Variants in SEMA3A observed in about 807,000 individuals in gnomAD.
SEMA3A encodes the protein semaphorin-3A.
SEMA3A carries 29 observed loss-of-function variants against 97.9 expected under a neutral mutation model. That is an observed-to-expected ratio of 0.30 (90% CI 0.22 to 0.40). The LOEUF is 0.40. Ranked by LOEUF, SEMA3A falls within the 10% of genes least tolerant of loss-of-function variation. The pLI is 1.00. For synonymous variants in SEMA3A, 321 were observed against 323.7 expected (o/e 0.99, Z 0.09); for missense variants, 763 against 951.3 (o/e 0.80, Z 2.60).
chr7:84,021,464 G>A (rs1478277365), intron 6 of SEMA3A, among the ~76,000 whole-genome samples: 3 of 152,024 alleles, frequency 2.0e-5, no homozygotes, highest in Admixed American at 6.6e-5. Context: ...CCGCATGTAG[G>A]CCCTTATCTT....
At chr7:84,433,407 C>T (rs1738837855) in intron 1 of SEMA3A, among the ~76,000 whole-genome samples, 2 of 152,066 alleles carry the variant, frequency 1.3e-5, no homozygotes, top group South Asian at 2.1e-4. Context: ...GACATGAACT[C>T]ATCCTTTTTT....
At chr7:84,106,229 G>T (rs760115594) in intron 4 of SEMA3A, among the ~76,000 whole-genome samples, 7 of 152,104 alleles carry the variant, frequency 4.6e-5, no homozygotes, top group Non-Finnish European at 8.8e-5. Context: ...GATTATAATG[G>T]ATCTAAAAAA....
At chr7:84,435,766 T>G (rs1282929580) in intron 1 of SEMA3A, among the ~76,000 whole-genome samples, 1 of 152,128 alleles carries the variant, frequency 6.6e-6, no homozygotes, top group Non-Finnish European at 1.5e-5. Flanking sequence ...ATCTACAGAT[T>G]CAACACTATA....
chr7:84,331,108 C>G (rs934528705), intron 2 of SEMA3A, among the ~76,000 whole-genome samples: 8 of 152,038 alleles, frequency 5.3e-5, no homozygotes, highest in Non-Finnish European at 1.0e-4. Context: ...ATATGGTTTT[C>G]TTTTTTGAAC....
intron 4 of SEMA3A, among the ~76,000 whole-genome samples, chr7:84,072,974 A>G (rs1251929508): frequency 6.6e-6 from 1 of 152,190 alleles, no homozygotes; most frequent in African/African-American, 2.4e-5. Context: ...ATTCGATAAC[A>G]TCTTTTTCCA....
At chr7:84,463,928 C>T (rs1243473337) in intron 1 of SEMA3A, among the ~76,000 whole-genome samples, 1 of 151,978 alleles carries the variant, frequency 6.6e-6, no homozygotes, top group Non-Finnish European at 1.5e-5. Context: ...AAGGTCCGTA[C>T]CTGATATATA....
At chr7:84,347,768 C>A (rs1802337439) in intron 2 of SEMA3A, among the ~76,000 whole-genome samples, 1 of 152,062 alleles carries the variant, frequency 6.6e-6, no homozygotes, top group Admixed American at 6.6e-5. Context: ...TCTCTATGAT[C>A]CCTTTCTTAT....
Position 84,208,101 on chromosome 7 carries a change from A to G in SEMA3A, c.-82-13433T>C, listed in dbSNP as rs1008691171. Among the ~76,000 whole-genome samples the G allele has an allele frequency of 2.0e-5, 3 of 152,120 alleles. No homozygotes were observed. The South Asian group carries it at 6.2e-4, about 31-fold the overall frequency. On this transcript the variant is annotated intron_variant, in intron 3 of 3. Coordinates refer to the SEMA3A transcript ENST00000424555. ...ATTATATACACACACATCCATATTT[A>G]ATATAATTCAAAGTAGTTATTAAAC...
intron 2 of SEMA3A, among the ~76,000 whole-genome samples, chr7:84,348,865 T>C (rs948187827): frequency 1.3e-5 from 2 of 152,014 alleles, no homozygotes; most frequent in Non-Finnish European, 2.9e-5. Context: ...GTGCCTGTGA[T>C]CCCAGCTACT....
chr7:84,066,581 T>C (rs1793508779), intron 4 of SEMA3A, among the ~76,000 whole-genome samples: 1 of 149,844 alleles, frequency 6.7e-6, no homozygotes, highest in Non-Finnish European at 1.5e-5. Flanking sequence ...AGTCTCAGGA[T>C]ACAAAATCAA....
intron 3 of SEMA3A, among the ~76,000 whole-genome samples, chr7:84,293,605 G>A (rs889320452): frequency 6.6e-6 from 1 of 151,780 alleles, no homozygotes; most frequent in Non-Finnish European, 1.5e-5. Context: ...CAAGTGGATG[G>A]GGAGAAGTCA....
At chr7:84,092,899 T>G (rs551754301) in intron 4 of SEMA3A, among the ~76,000 whole-genome samples, 1 of 152,236 alleles carries the variant, frequency 6.6e-6, no homozygotes, top group South Asian at 2.1e-4. Flanking sequence ...TAAATTTATT[T>G]TCTGTTAGGT....
chr7:84,164,295 C>G (rs1382964731), intron 1 of SEMA3A, among the ~76,000 whole-genome samples: 1 of 152,054 alleles, frequency 6.6e-6, no homozygotes, highest in Non-Finnish European at 1.5e-5. Flanking sequence ...TAAATTGTTA[C>G]TAAAATAGAA....
At chr7:84,445,493 C>CAAAAAA (rs61298477) in intron 1 of SEMA3A, among the ~76,000 whole-genome samples, 20 of 27,584 alleles carry the variant, frequency 7.3e-4, no homozygotes, top group South Asian at 2.3e-3. Context: ...GACTCCATCT[C>CAAAAAA]AAAAAAAAAA....
At chr7:84,002,607 C>CACTT (rs1419060262) in intron 11 of SEMA3A, among the ~76,000 whole-genome samples, 1 of 151,958 alleles carries the variant, frequency 6.6e-6, no homozygotes, top group African/African-American at 2.4e-5. Context: ...AAGTCTTTAG[C>CACTT]ACTTAGAAGT....
At chr7:84,134,439 A>G (rs527340599) in intron 2 of SEMA3A, among the ~76,000 whole-genome samples, 1 of 152,364 alleles carries the variant, frequency 6.6e-6, no homozygotes, top group African/African-American at 2.4e-5. Context: ...CTGGAAATAC[A>G]GAGAAATATA....
At chr7:84,429,516 T>TATATATATATATATATA (rs1554385262) in intron 1 of SEMA3A, among the ~76,000 whole-genome samples, 2 of 72,420 alleles carry the variant, frequency 2.8e-5, no homozygotes, top group African/African-American at 1.4e-4. Context: ...ATAGAGTTTG[T>TATATATATATATATATA]TATATATATA....
chr7:84,099,889 C>A (rs35824530), intron 4 of SEMA3A, among the ~76,000 whole-genome samples: 61,297 of 151,786 alleles, frequency 0.4, 14,403 homozygotes, highest in Non-Finnish European at 0.51. Context: ...ATATTTATGC[C>A]AGAAATATGT....
At chr7:84,019,440 G>C (rs1022858740) in intron 6 of SEMA3A, among the ~76,000 whole-genome samples, 8 of 151,908 alleles carry the variant, frequency 5.3e-5, no homozygotes, top group African/African-American at 1.9e-4. Context: ...AGGAAAAGTA[G>C]AAAGGATTCT....
Sources: gnomAD v4.1 joint callset for allele counts (sites outside exome capture counted in the v4.1 genomes callset) on GRCh38, gnomAD v4.1.1 for gene constraint, MANE v1.5 for transcripts, NCBI Gene and HGNC (gene_info 2026-07-23, HGNC 2026-07-21) for gene names.